INTS6L: variants seen among roughly 807,000 people sequenced by gnomAD.
INTS6L encodes the protein integrator complex subunit 6-like.
INTS6L carries 18 observed loss-of-function variants against 64.7 expected under a neutral mutation model. That is an observed-to-expected ratio of 0.28 (90% CI 0.19 to 0.41). The LOEUF (loss-of-function observed/expected upper bound fraction) is 0.41. Ranked by LOEUF, INTS6L falls within the 10% of genes least tolerant of loss-of-function variation. INTS6L has a pLI of 1.00. For missense variants in INTS6L, 533 were observed against 661.0 expected (o/e 0.81, Z 2.12); for synonymous variants, 227 against 235.9 (o/e 0.96, Z 0.34).
chrX:135,569,300 G>A (rs782431260), intron 9 of INTS6L, 37 bp from the exon 10 acceptor site: 1 of 975,241 alleles, frequency 1.0e-6, no homozygotes, highest in Admixed American at 2.8e-5. Flanking sequence ...TAGAGCTCAG[G>A]ACTAGAATGA....
At chrX:135,574,875 G>A (rs2087180288) in intron 13 of INTS6L, among the ~76,000 whole-genome samples, 1 of 112,165 alleles carries the variant, frequency 8.9e-6, no homozygotes, top group South Asian at 3.7e-4. Flanking sequence ...TGATCCTAGC[G>A]ATGTGAGCCT....
Position 135,577,056 on chromosome X carries a change from TA to T in INTS6L, c.1885-130del, listed in dbSNP as rs1362547612. On this transcript the variant is annotated intron_variant, in intron 14 of 17. Transcript: ENST00000639893. ...ATATTAGTTAATCTGGCATGGGATT[TA>T]AAAAAATGAAAGAAAAAAAGACATA... The T allele has an allele frequency of 2.4e-5, 15 of 623,787 alleles. No homozygotes were observed. The East Asian group carries it at 5.0e-4, about 21-fold the overall frequency. The allele number at this position is 623,787 out of a possible 1,213,427, so 51.4% of individuals were successfully genotyped here.
chrX:135,574,050 GGAC>G lies in INTS6L; in HGVS notation c.1730_1732del (p.Gly577_Gln578delinsGlu). 1 of 1,187,512 alleles carries G rather than the reference GGAC, an allele frequency of 8.4e-7. No homozygotes were observed. The highest frequency in any genetic ancestry group is 1.1e-6 in the Non-Finnish European group (1 of 887,286). On this transcript the variant is annotated inframe_deletion, in exon 13 of 18. Transcript: ENST00000639893. ...GCTGAAAACGCACAAGTTTATTGTT[GGAC>G]AAGATGAAGGTAAAATAACTGTGAA...
In INTS6L at chrX:135,528,549, G is replaced by A. The variant is rs148330769; in HGVS notation, c.189+7231G>A. Among the ~76,000 whole-genome samples, 74 of 111,006 alleles carry A rather than the reference G, an allele frequency of 6.7e-4. 2 individuals carry two copies. The East Asian group carries it at 0.019, about 28-fold the overall frequency. On this transcript the variant is annotated intron_variant, in intron 2 of 17. Transcript: ENST00000639893. ...ATTCATAGATTGGCTACATTTACACGGTTCAGCATAGCGTCCACTTAGCCA... is the reference window on the plus strand; with the variant it reads ...ATTCATAGATTGGCTACATTTACACAGTTCAGCATAGCGTCCACTTAGCCA...
At chrX:135,578,237 A>G (rs1163197828) in intron 15 of INTS6L, among the ~76,000 whole-genome samples, 1 of 111,495 alleles carries the variant, frequency 9.0e-6, no homozygotes, top group Non-Finnish European at 1.9e-5. Context: ...TTGCTCCTCA[A>G]TTTCAGACTC....
In INTS6L at chrX:135,580,969, A is replaced by G. The variant is rs782808067; in HGVS notation, c.2495-81A>G. 238 of 683,926 alleles carry G rather than the reference A, an allele frequency of 3.5e-4. No homozygotes were observed. The African/African-American group carries it at 4.9e-3, about 14-fold the overall frequency. The allele number at this position is 683,926 out of a possible 1,213,427, so 56.4% of individuals were successfully genotyped here. The stretch of plus-strand genomic sequence containing the variant: ...TCTAACTTTCCACTCACGAAGAACA[A>G]TTACTAAGGATGTACAACAATTAAA... On this transcript the variant is annotated intron_variant, in intron 16 of 17. Coordinates refer to ENST00000639893, the MANE Select transcript of INTS6L (RefSeq NM_001351601.3).
At position 135,577,195 on chromosome X, in the gene INTS6L, A is replaced by T. The variant is rs2087251675; in HGVS notation, c.1887A>T (p.Gly629=). The part of the protein sequence containing the change: ...FGNPFKQDKK[G]MMIDEADEFV... ...ACGTTCATTTATGTGTTTTTTAGGG[A>T]ATGATGATTGATGAAGCAGATGAGT... The change falls in exon 15 of 18, where the codon GGA becomes GGT. Residue 629 remains glycine, a splice_region_variant and synonymous_variant. Transcript: ENST00000639893. 3.3e-6 allele frequency: 4 copies of T among 1,209,183 alleles called. No homozygotes were observed. Among genetic ancestry groups the T allele is most frequent in the Non-Finnish European group, 4.5e-6 (4 of 894,069 alleles).
chrX:135,559,867 T>C (rs923927427), intron 9 of INTS6L, among the ~76,000 whole-genome samples: 8 of 112,278 alleles, frequency 7.1e-5, no homozygotes, highest in Non-Finnish European at 1.3e-4. Context: ...GCACTGTGGT[T>C]TTAATTTGTA....
intron 16 of INTS6L, 115 bp from the exon 17 acceptor site, chrX:135,580,929 AAAATAC>A (rs2087354201): frequency 1.9e-6 from 1 of 513,590 alleles, no homozygotes; most frequent in South Asian, 5.1e-5. Context: ...TAAGAATGTT[AAAATAC>A]AAACTACATC....
chrX:135,572,782 GT>G, intron 11 of INTS6L, 32 bp from the exon 12 acceptor site: 1 of 1,143,516 alleles, frequency 8.7e-7, no homozygotes, highest in African/African-American at 1.8e-5. Context: ...TAATGTAGAT[GT>G]TTTTATAACA....
chrX:135,526,886 T>G (rs887510076), intron 2 of INTS6L, among the ~76,000 whole-genome samples: 1 of 112,219 alleles, frequency 8.9e-6, no homozygotes, highest in Non-Finnish European at 1.9e-5. Context: ...CTCTTCCCCA[T>G]AGAGTAATCA....
Position 135,581,059 on chromosome X carries a change from G to T in INTS6L, c.2504G>T (p.Arg835Ile), listed in dbSNP as rs1556534187. The T allele has an allele frequency of 8.6e-7, 1 of 1,163,039 alleles. No homozygotes were observed. Among genetic ancestry groups the T allele is most frequent in the South Asian group, 2.1e-5 (1 of 48,341 alleles). ...EVRKFGRKYE[R>I]IFILLEEVQG... ...TTTTAAATATCTTCAGAATATGAAA[G>T]AATTTTCATTTTGCTTGAAGAAGTG... Residue 835 changes from arginine (R) to isoleucine (I), a missense_variant, in exon 17 of 18, where the codon AGA becomes ATA. Coordinates refer to ENST00000639893, the MANE Select transcript of INTS6L (RefSeq NM_001351601.3).
chrX:135,572,802 A>G lies in INTS6L; in HGVS notation c.1399-13A>G. On this transcript the variant is annotated splice_polypyrimidine_tract_variant and intron_variant, in intron 11 of 17. Transcript: ENST00000639893. ...TAGATGTTTTTATAACATACTATGTACTTTCATTTTAGACCAAACTAGAGT... is the reference window on the plus strand; with the variant it reads ...TAGATGTTTTTATAACATACTATGTGCTTTCATTTTAGACCAAACTAGAGT... 2 of 1,191,007 alleles carry G rather than the reference A, an allele frequency of 1.7e-6. No individual in the cohort carries two copies. The highest frequency in any genetic ancestry group is 2.3e-6 in the Non-Finnish European group (2 of 878,773).
In INTS6L at chrX:135,575,171, C is replaced by A. The variant is rs201054266; in HGVS notation, c.1829C>A (p.Pro610Gln). 8.3e-7 allele frequency: 1 copy of A among 1,209,825 alleles called. No homozygotes were observed. The highest frequency in any genetic ancestry group is 1.1e-6 in the Non-Finnish European group (1 of 895,127). ...TLASPLREID[P>Q]DQPKRLHTFG... ...GCTTCTCCACTGCGAGAGATTGATC[C>A]AGACCAACCCAAAAGACTGCATACT... The change falls in exon 14 of 18, where the codon CCA (proline) becomes CAA (glutamine). Residue 610 changes from proline (P) to glutamine (Q), a missense_variant. Pro to Gln is a moderately conservative substitution (Grantham distance 76, BLOSUM62 -1). Transcript: ENST00000639893.
chrX:135,574,123 G>T, intron 13 of INTS6L, 61 bp downstream of exon 13: 1 of 1,120,886 alleles, frequency 8.9e-7, no homozygotes, highest in Non-Finnish European at 1.2e-6. Context: ...TGACTTACAG[G>T]AAGGTGTTTA....
intron 12 of INTS6L, 79 bp from the exon 13 acceptor site, chrX:135,573,860 A>G: frequency 9.5e-7 from 1 of 1,056,113 alleles, no homozygotes. Context: ...CTTCAATAAC[A>G]TTTTAAGAGA....
intron 2 of INTS6L, among the ~76,000 whole-genome samples, chrX:135,522,212 G>A (rs1253997911): frequency 8.9e-6 from 1 of 112,130 alleles, no homozygotes; most frequent in African/African-American, 3.2e-5. Flanking sequence ...GAACCCACAG[G>A]GGCAGAGCTT....
intron 9 of INTS6L, among the ~76,000 whole-genome samples, chrX:135,565,976 G>T (rs782408422): frequency 4.5e-5 from 5 of 111,927 alleles, no homozygotes; most frequent in Non-Finnish European, 9.4e-5. Context: ...AGGTCCTTGA[G>T]CTCCTAAAGT....
chrX:135,551,815 C>G (rs1051040171), intron 7 of INTS6L, among the ~76,000 whole-genome samples, 179 bp from the exon 8 acceptor site: 1 of 111,634 alleles, frequency 9.0e-6, no homozygotes, highest in African/African-American at 3.3e-5. Flanking sequence ...TCTGAGCCCT[C>G]TCTCCCATGG....
Sources: gnomAD v4.1 joint callset for allele counts (sites outside exome capture counted in the v4.1 genomes callset) on GRCh38, gnomAD v4.1.1 for gene constraint, MANE v1.5 for transcripts, NCBI Gene and HGNC (gene_info 2026-07-23, HGNC 2026-07-21) for gene names.